Variants in SIK3 observed in about 807,000 individuals in gnomAD.
The protein encoded by SIK3 is SIK family kinase 3, also known as serine/threonine-protein kinase SIK3.
SIK3 carries 28 observed loss-of-function variants against 144.2 expected under a neutral mutation model. The ratio of observed to expected loss-of-function variants is 0.19; its 90% CI spans 0.14 to 0.27. The LOEUF (loss-of-function observed/expected upper bound fraction) is 0.27, where lower values mean the gene tolerates loss of function less well. Ranked by LOEUF, SIK3 falls within the 10% of genes least tolerant of loss-of-function variation. The pLI is 1.00. For synonymous variants in SIK3, 686 were observed against 676.3 expected, an observed-to-expected ratio of 1.01 and a Z score of -0.22; for missense variants, 1,319 against 1,776.0, an observed-to-expected ratio of 0.74 and a Z score of 4.62.
intron 1 of SIK3, among the ~76,000 whole-genome samples, chr11:117,094,831 G>A (rs1321794604): frequency 6.6e-6 from 1 of 150,896 alleles, no homozygotes; most frequent in Non-Finnish European, 1.5e-5. Flanking sequence ...CCAAAGAAAA[G>A]GAAATCAAAG....
At position 116,867,922 on chromosome 11, in the gene SIK3, C is replaced by T. The variant is rs1228377969; in HGVS notation, c.1952+24G>A. On this transcript the variant is annotated intron_variant, in intron 15 of 24. Transcript: ENST00000445177. The surrounding 1 kb of genome is among the most constrained non-coding windows in gnomAD (Gnocchi z 4.1). The stretch of plus-strand genomic sequence containing the variant: ...CCTGTCCGATGAGCCTCAAGGAGCT[C>T]GCACAGCTCATGTGGCTACTCACCG... 8.6e-6 allele frequency: 13 copies of T among 1,508,268 alleles called. No individual in the cohort carries two copies. Among genetic ancestry groups the T allele is most frequent in the Non-Finnish European group, 1.2e-5 (13 of 1,125,326 alleles). The allele number at this position is 1,508,268 out of a possible 1,614,324, so 93.4% of individuals were successfully genotyped here. A position where few individuals can be genotyped will look rare whatever the true frequency, so the allele number is the denominator to read the frequency against.
chr11:117,088,748 C>T (rs1482073267), intron 1 of SIK3, among the ~76,000 whole-genome samples: 1 of 152,058 alleles, frequency 6.6e-6, no homozygotes, highest in Non-Finnish European at 1.5e-5. Flanking sequence ...GCGATCATAG[C>T]TCACAGAAAC....
intron 1 of SIK3, among the ~76,000 whole-genome samples, chr11:117,058,317 C>T (rs1030700946): frequency 6.6e-6 from 1 of 152,030 alleles, no homozygotes; most frequent in African/African-American, 2.4e-5. Context: ...GTCAGGAGTT[C>T]AAGACCAGCC....
intron 1 of SIK3, among the ~76,000 whole-genome samples, chr11:117,010,349 TG>T (rs1951203921): frequency 6.6e-6 from 1 of 152,158 alleles, no homozygotes; most frequent in African/African-American, 2.4e-5. Flanking sequence ...CAGAAAAGTG[TG>T]ACTTCCCCAG....
chr11:116,869,554 C>T (rs923446350), intron 14 of SIK3: 2 of 152,244 alleles, frequency 1.3e-5, no homozygotes, highest in African/African-American at 4.8e-5. Flanking sequence ...TTTCAACTTC[C>T]CTCAAAGGAA....
Position 116,916,587 on chromosome 11 carries a change from T to C in SIK3, c.616+10632A>G, listed in dbSNP as rs192875375. Among the ~76,000 whole-genome samples, 250 of 151,418 alleles carry C rather than the reference T, an allele frequency of 1.7e-3. 5 individuals carry two copies. The East Asian group carries it at 0.038, about 23-fold the overall frequency. On this transcript the variant is annotated intron_variant, in intron 4 of 24. Coordinates refer to ENST00000445177, the MANE Select transcript of SIK3 (RefSeq NM_001366686.3). ...GTGCAGTGGCGCAATCTCAGCTCAC[T>C]GCAAGCTTTGCCTCCCGGGTTCACG... is the stretch of plus-strand genomic sequence containing the variant.
intron 4 of SIK3, among the ~76,000 whole-genome samples, chr11:116,915,429 T>C (rs565733086): frequency 6.6e-6 from 1 of 152,322 alleles, no homozygotes; most frequent in South Asian, 2.1e-4. Flanking sequence ...TTAAATGAAT[T>C]ATTTTCATGC....
At chr11:116,940,360 G>C (rs1287797751) in intron 3 of SIK3, among the ~76,000 whole-genome samples, 1 of 151,742 alleles carries the variant, frequency 6.6e-6, no homozygotes, top group African/African-American at 2.4e-5. Flanking sequence ...CTCCCGAGTA[G>C]GTGGGACTAT....
At chr11:116,960,510 G>T (rs989284736) in intron 1 of SIK3, among the ~76,000 whole-genome samples, 1 of 152,104 alleles carries the variant, frequency 6.6e-6, no homozygotes, top group Non-Finnish European at 1.5e-5. Flanking sequence ...AACAGAATGA[G>T]ACACTTTCTC....
chr11:116,911,788 T>C (rs1467283883), intron 4 of SIK3, among the ~76,000 whole-genome samples: 7 of 152,202 alleles, frequency 4.6e-5, no homozygotes, highest in Admixed American at 1.3e-4. Flanking sequence ...ACAAAAACAC[T>C]GAGCAGTTAG....
At chr11:117,046,172 A>C (rs1443936040) in intron 1 of SIK3, among the ~76,000 whole-genome samples, 1 of 152,250 alleles carries the variant, frequency 6.6e-6, no homozygotes, top group Non-Finnish European at 1.5e-5. Context: ...CATATGAGCT[A>C]AACTACCACT....
intron 1 of SIK3, among the ~76,000 whole-genome samples, chr11:117,023,452 G>T (rs1184370486): frequency 6.8e-6 from 1 of 146,164 alleles, no homozygotes; most frequent in African/African-American, 2.6e-5. Context: ...TCACTCTGTC[G>T]CTCAAGCTGG....
intron 1 of SIK3, among the ~76,000 whole-genome samples, chr11:117,064,450 G>A (rs1357444234): frequency 6.6e-6 from 1 of 152,146 alleles, no homozygotes; most frequent in Non-Finnish European, 1.5e-5. Context: ...GACTGGTTCA[G>A]CATTCTTCCA....
At chr11:117,037,761 A>G (rs906338982) in intron 1 of SIK3, among the ~76,000 whole-genome samples, 1 of 151,216 alleles carries the variant, frequency 6.6e-6, no homozygotes, top group African/African-American at 2.5e-5. Context: ...CAAGGCAGAA[A>G]AAAAGAGATG....
chr11:116,943,182 G>GAAA (rs34406972), intron 3 of SIK3, among the ~76,000 whole-genome samples: 10,361 of 149,296 alleles, frequency 0.069, 415 homozygotes, highest in Middle Eastern at 0.11. Flanking sequence ...ACTTAGAAAT[G>GAAA]AAAAAAAAAA....
rs1199172317 is a variant in SIK3, at chr11:116,875,283, A to G, written c.1318-16T>C. 2 of 1,613,558 alleles carry G rather than the reference A, an allele frequency of 1.2e-6. No individual in the cohort carries two copies. The highest frequency in any genetic ancestry group is 1.7e-6 in the Non-Finnish European group (2 of 1,179,648). On this transcript the variant is annotated splice_polypyrimidine_tract_variant and intron_variant, in intron 10 of 24. Transcript: ENST00000445177. Reference sequence around the variant, plus strand: ...TCCCATCCGGCTGAGGTGGAGGGAAACACCATCGAGTTAGAAATCAGAAGG... The same window carrying G: ...TCCCATCCGGCTGAGGTGGAGGGAAGCACCATCGAGTTAGAAATCAGAAGG...
chr11:116,894,999 A>T (rs1945320133), intron 6 of SIK3, among the ~76,000 whole-genome samples: 1 of 152,236 alleles, frequency 6.6e-6, no homozygotes, highest in Non-Finnish European at 1.5e-5. Context: ...GAAATTTTTC[A>T]TCATAAAATT....
chr11:117,040,366 G>A (rs1459047814), intron 1 of SIK3, among the ~76,000 whole-genome samples: 1 of 152,142 alleles, frequency 6.6e-6, no homozygotes, highest in Non-Finnish European at 1.5e-5. Context: ...AACAACAAAT[G>A]TTAGCTGACA....
chr11:116,946,692 C>T (rs1948607763), intron 3 of SIK3, among the ~76,000 whole-genome samples: 1 of 152,174 alleles, frequency 6.6e-6, no homozygotes, highest in Non-Finnish European at 1.5e-5. Flanking sequence ...AGAACTCTCT[C>T]CCAACAACCT....
Sources: allele counts gnomAD v4.1 joint callset (sites outside exome capture counted in the v4.1 genomes callset), GRCh38; gene constraint gnomAD v4.1.1; non-coding constraint Gnocchi (gnomAD v3.1); transcripts MANE v1.5; gene names NCBI Gene and HGNC (gene_info 2026-07-23, HGNC 2026-07-21).